Variants in AGBL1 observed in about 807,000 individuals in gnomAD.
AGBL1 encodes cytosolic carboxypeptidase 4.
AGBL1 carries 130 observed loss-of-function variants against 118.9 expected under a neutral mutation model. The ratio of observed to expected loss-of-function variants is 1.09; its 90% CI spans 0.95 to 1.26. The LOEUF (loss-of-function observed/expected upper bound fraction) is 1.26. Among genes scored for constraint, AGBL1 ranks in the 50% most tolerant of loss-of-function variants. The pLI is 0.00. For missense variants in AGBL1, 1,584 were observed against 1,298.1 expected (o/e 1.22, Z -3.38); for synonymous variants, 555 against 478.9 (o/e 1.16, Z -2.08).
chr15:86,895,109 T>G (rs928184912), intron 22 of AGBL1, among the ~76,000 whole-genome samples: 1 of 151,772 alleles, frequency 6.6e-6, no homozygotes, highest in African/African-American at 2.4e-5. Context: ...CCCTTTCTTT[T>G]TTCCTTCCTT....
chr15:86,906,181 C>T (rs916878948), intron 22 of AGBL1, among the ~76,000 whole-genome samples: 3 of 152,308 alleles, frequency 2.0e-5, no homozygotes, highest in East Asian at 1.9e-4. Context: ...AAACCCAGCA[C>T]GCTGCTAATC....
intron 1 of AGBL1, among the ~76,000 whole-genome samples, chr15:86,114,518 C>G (rs1380601585): frequency 6.6e-6 from 1 of 152,188 alleles, no homozygotes. Context: ...AATGCTGACT[C>G]AATATCAATA....
intron 18 of AGBL1, among the ~76,000 whole-genome samples, chr15:86,466,142 G>A (rs767610964): frequency 8.5e-5 from 13 of 152,066 alleles, no homozygotes; most frequent in Non-Finnish European, 1.3e-4. Flanking sequence ...TGGTTCCCCC[G>A]ATATTTGGTC....
intron 22 of AGBL1, among the ~76,000 whole-genome samples, chr15:86,763,826 A>G (rs2078060134): frequency 6.6e-6 from 1 of 151,948 alleles, no homozygotes; most frequent in Admixed American, 6.6e-5. Flanking sequence ...ACAGTGCATG[A>G]TTTTCCACCT....
intron 18 of AGBL1, among the ~76,000 whole-genome samples, chr15:86,416,558 G>C (rs1433526429): frequency 1.3e-5 from 2 of 151,492 alleles, no homozygotes; most frequent in African/African-American, 4.9e-5. Context: ...TCTCAGGTGG[G>C]GAACACTTTT....
chr15:86,947,677 G>A (rs2080840059), intron 23 of AGBL1, among the ~76,000 whole-genome samples: 1 of 152,200 alleles, frequency 6.6e-6, no homozygotes, highest in African/African-American at 2.4e-5. Context: ...TATAGGCATT[G>A]AGTGAGATCC....
intron 18 of AGBL1, among the ~76,000 whole-genome samples, chr15:86,410,839 T>TATATATATATATATATATATAA (rs1311325970): frequency 7.0e-4 from 48 of 68,130 alleles, no homozygotes; most frequent in East Asian, 1.7e-3. Context: ...TATATATATA[T>TATATATATATATATATATATAA]ATAATATACT....
At chr15:86,560,157 A>C (rs1462702583) in intron 21 of AGBL1, among the ~76,000 whole-genome samples, 1 of 151,038 alleles carries the variant, frequency 6.6e-6, no homozygotes, top group Non-Finnish European at 1.5e-5. Flanking sequence ...TTTTTTTTAT[A>C]TACTTTAAGT....
At chr15:86,860,022 C>G (rs534191836) in intron 22 of AGBL1, among the ~76,000 whole-genome samples, 1 of 152,270 alleles carries the variant, frequency 6.6e-6, no homozygotes, top group South Asian at 2.1e-4. Context: ...CAAGTTTTGC[C>G]TAGGTCTAGT....
At chr15:86,484,020 C>G (rs1367497844) in intron 18 of AGBL1, among the ~76,000 whole-genome samples, 1 of 152,054 alleles carries the variant, frequency 6.6e-6, no homozygotes, top group African/African-American at 2.4e-5. Flanking sequence ...TAATGAAGAC[C>G]TGCTGCTTTA....
At chr15:86,456,660 G>T (rs964042989) in intron 18 of AGBL1, among the ~76,000 whole-genome samples, 1 of 152,156 alleles carries the variant, frequency 6.6e-6, no homozygotes, top group Non-Finnish European at 1.5e-5. Context: ...TCTGATAAAA[G>T]CTGCACATTG....
At chr15:86,438,516 T>G (rs995073376) in intron 18 of AGBL1, among the ~76,000 whole-genome samples, 2 of 152,188 alleles carry the variant, frequency 1.3e-5, no homozygotes, top group Non-Finnish European at 2.9e-5. Flanking sequence ...TAAAAATACA[T>G]GACATCTAGT....
intron 18 of AGBL1, among the ~76,000 whole-genome samples, chr15:86,474,934 C>A (rs543531433): frequency 1.3e-5 from 2 of 152,362 alleles, no homozygotes; most frequent in African/African-American, 4.8e-5. Context: ...CGCTGTTCTG[C>A]AGCCTCTGCT....
chr15:86,749,622 A>G (rs965402612), intron 22 of AGBL1, among the ~76,000 whole-genome samples: 1 of 152,180 alleles, frequency 6.6e-6, no homozygotes, highest in African/African-American at 2.4e-5. Flanking sequence ...GTTTTTGCCC[A>G]TTCAGTTTGA....
At chr15:86,102,650 C>T (rs953812954) in intron 1 of AGBL1, among the ~76,000 whole-genome samples, 1 of 152,214 alleles carries the variant, frequency 6.6e-6, no homozygotes, top group Non-Finnish European at 1.5e-5. Context: ...GAGAAATTCC[C>T]TGTTAGTCTA....
intron 6 of AGBL1, among the ~76,000 whole-genome samples, chr15:86,237,513 C>T (rs544754787): frequency 6.6e-6 from 1 of 152,218 alleles, no homozygotes; most frequent in Admixed American, 6.5e-5. Context: ...TAAATCCTGG[C>T]TTTCTTCTTT....
chr15:86,629,674 T>C (rs2084936213), intron 21 of AGBL1, among the ~76,000 whole-genome samples: 1 of 152,242 alleles, frequency 6.6e-6, no homozygotes, highest in Non-Finnish European at 1.5e-5. Context: ...GTCATTTTTA[T>C]AGTACTGGCT....
At chr15:86,299,793 T>C (rs1201944322) in intron 17 of AGBL1, 13 of 152,164 alleles carry the variant, frequency 8.5e-5, no homozygotes. Context: ...TTAGTTTGTA[T>C]ACTCTTCCAG....
chr15:86,920,943 C>A (rs1344715081), downstream of AGBL1, among the ~76,000 whole-genome samples: 1 of 152,098 alleles, frequency 6.6e-6, no homozygotes, highest in Non-Finnish European at 1.5e-5. Context: ...GCAAAACATC[C>A]ACTTTGAGGT....
Sources: allele counts gnomAD v4.1 joint callset (sites outside exome capture counted in the v4.1 genomes callset), GRCh38; gene constraint gnomAD v4.1.1; transcripts MANE v1.5; gene names NCBI Gene and HGNC (gene_info 2026-07-23, HGNC 2026-07-21).